EMSY: variants seen among roughly 807,000 people sequenced by gnomAD.
EMSY encodes the protein EMSY transcriptional repressor, BRCA2 interacting, also known as BRCA2-interacting transcriptional repressor EMSY.
EMSY carries 26 observed loss-of-function variants against 134.6 expected under a neutral mutation model. The ratio of observed to expected loss-of-function variants is 0.19; its 90% CI spans 0.14 to 0.27. EMSY has a LOEUF of 0.27. EMSY is among the 10% of genes least tolerant of loss of function. The pLI, the probability that EMSY is intolerant of heterozygous loss-of-function variation, is 1.00. For missense variants in EMSY, 1,305 were observed against 1,611.4 expected, an observed-to-expected ratio of 0.81 and a Z score of 3.26; for synonymous variants, 579 against 577.8, an observed-to-expected ratio of 1.00 and a Z score of -0.03.
intron 7 of EMSY, among the ~76,000 whole-genome samples, chr11:76,465,997 G>A (rs1370684496): frequency 6.6e-6 from 1 of 152,180 alleles, no homozygotes; most frequent in African/African-American, 2.4e-5. Flanking sequence ...AGTAATATAA[G>A]CCTGGTTGGC....
intron 14 of EMSY, among the ~76,000 whole-genome samples, chr11:76,530,678 A>AT (rs1465187227): frequency 6.6e-6 from 1 of 152,146 alleles, no homozygotes; most frequent in Non-Finnish European, 1.5e-5. Context: ...TGTAAGGCAG[A>AT]TTTTTATAAT....
At chr11:76,519,217 A>G (rs1251832214) in intron 11 of EMSY, among the ~76,000 whole-genome samples, 1 of 151,900 alleles carries the variant, frequency 6.6e-6, no homozygotes, top group East Asian at 1.9e-4. Context: ...GGCGCCTGCC[A>G]CCACGCTCGG....
At chr11:76,537,698 G>T in intron 15 of EMSY, 97 bp from the exon 17 acceptor site, 1 of 1,090,092 alleles carries the variant, frequency 9.2e-7, no homozygotes, top group Admixed American at 2.5e-5. Context: ...TGCCAGTGTG[G>T]CACCCCAGAG....
intron 8 of EMSY, among the ~76,000 whole-genome samples, chr11:76,475,496 T>G (rs1948738747): frequency 6.6e-6 from 1 of 152,200 alleles, no homozygotes; most frequent in Non-Finnish European, 1.5e-5. Context: ...TCTTTGAGCC[T>G]TAAGTAATTA....
At chr11:76,531,236 A>G (rs1481193789) in intron 14 of EMSY, among the ~76,000 whole-genome samples, 1 of 152,094 alleles carries the variant, frequency 6.6e-6, no homozygotes, top group Non-Finnish European at 1.5e-5. Context: ...TATAATAATT[A>G]TCTAATTTAC....
chr11:76,543,497 G>A (rs181321005), intron 18 of EMSY, among the ~76,000 whole-genome samples: 2 of 152,282 alleles, frequency 1.3e-5, no homozygotes, highest in Non-Finnish European at 2.9e-5. Flanking sequence ...GGCAGCTCCT[G>A]ACATTGACCT....
At chr11:76,448,161 G>C (rs574907266) in intron 2 of EMSY, among the ~76,000 whole-genome samples, 1 of 152,102 alleles carries the variant, frequency 6.6e-6, no homozygotes, top group Non-Finnish European at 1.5e-5. Context: ...GTAAATCTTT[G>C]TTGGGAATTT....
At chr11:76,497,503 T>A (rs12287470) in intron 9 of EMSY, among the ~76,000 whole-genome samples, 3,183 of 152,286 alleles carry the variant, frequency 0.021, 103 homozygotes, top group African/African-American at 0.072. Context: ...TTTAGAAGCT[T>A]TTAATTGATG....
chr11:76,520,328 C>T (rs1421975014), intron 11 of EMSY, among the ~76,000 whole-genome samples: 1 of 152,052 alleles, frequency 6.6e-6, no homozygotes, highest in Non-Finnish European at 1.5e-5. Flanking sequence ...AGGGATTAGA[C>T]ATTTTAGTAG....
chr11:76,531,071 CTG>C (rs1408894706), intron 14 of EMSY, among the ~76,000 whole-genome samples: 3 of 151,936 alleles, frequency 2.0e-5, no homozygotes, highest in African/African-American at 4.8e-5. Context: ...CCCCCTTCTG[CTG>C]TGTGTGTGTA....
intron 9 of EMSY, among the ~76,000 whole-genome samples, chr11:76,502,306 A>AAG (rs1409290618): frequency 6.7e-6 from 1 of 148,942 alleles, no homozygotes; most frequent in Non-Finnish European, 1.5e-5. Context: ...AAAAAAAAAA[A>AAG]AAAAAGCATC....
chr11:76,494,260 G>A (rs1016375051), intron 8 of EMSY, among the ~76,000 whole-genome samples: 1 of 152,222 alleles, frequency 6.6e-6, no homozygotes, highest in Non-Finnish European at 1.5e-5. Flanking sequence ...GCAATACTCA[G>A]GTAGAAGGTG....
At chr11:76,488,498 T>TA (rs781678086) in intron 8 of EMSY, among the ~76,000 whole-genome samples, 5 of 151,314 alleles carry the variant, frequency 3.3e-5, no homozygotes, top group Non-Finnish European at 7.4e-5. Flanking sequence ...AAGTTATTGT[T>TA]ACAGAGCCCA....
chr11:76,524,933 C>G (rs1950791993), intron 12 of EMSY, among the ~76,000 whole-genome samples: 1 of 152,224 alleles, frequency 6.6e-6, no homozygotes, highest in Admixed American at 6.5e-5. Flanking sequence ...TGGAGGATCA[C>G]TTGAGCCTGG....
At position 76,489,215 on chromosome 11, in the gene EMSY, G is replaced by A. The variant is rs547397665; in HGVS notation, c.1109-7000G>A. Among the ~76,000 whole-genome samples the A allele has an allele frequency of 1.4e-4, 21 of 152,152 alleles. No individual in the cohort carries two copies. In the South Asian group the frequency reaches 4.4e-3, roughly 32 times the overall value. On this transcript the variant is annotated intron_variant, in intron 8 of 20. Coordinates refer to ENST00000334736, the Ensembl canonical transcript of EMSY. ...GCAACCAAGAGTGTATGCTGCATTC[G>A]ATTATTTAATAAATGGTTTTAGAAT...
At chr11:76,445,077 C>T (rs976386296) in exon 1 of EMSY, 6 of 153,060 alleles carry the variant, frequency 3.9e-5, no homozygotes, top group South Asian at 2.1e-4. Context: ...TTCCTGGTGT[C>T]CCCTAGTCTT....
chr11:76,499,935 C>T (rs1474884225), intron 9 of EMSY, among the ~76,000 whole-genome samples: 2 of 151,746 alleles, frequency 1.3e-5, no homozygotes, highest in African/African-American at 4.8e-5. Context: ...TAAAAATTAG[C>T]TAGAAATGGT....
chr11:76,542,949 A>G (rs1265209048), intron 18 of EMSY, among the ~76,000 whole-genome samples: 2 of 152,074 alleles, frequency 1.3e-5, no homozygotes, highest in African/African-American at 2.4e-5. Flanking sequence ...AAATATGTTA[A>G]TAGGTTGATT....
At chr11:76,537,880 G>A in exon 16 of EMSY, 1 of 1,613,540 alleles carries the variant, frequency 6.2e-7, no homozygotes, top group East Asian at 2.2e-5. Context: ...CCCAGGAAAA[G>A]AGACATTCTC....
Sources: allele counts gnomAD v4.1 joint callset (sites outside exome capture counted in the v4.1 genomes callset), GRCh38; gene constraint gnomAD v4.1.1; transcripts MANE v1.5; gene names NCBI Gene and HGNC (gene_info 2026-07-23, HGNC 2026-07-21).